SCARB2: variants seen among roughly 807,000 people sequenced by gnomAD.
SCARB2 encodes lysosome membrane protein 2.
SCARB2 carries 29 observed loss-of-function variants against 58.6 expected under a neutral mutation model. That is an observed-to-expected ratio of 0.49 (90% CI 0.37 to 0.67). The LOEUF is 0.67. Ranked by LOEUF, SCARB2 falls within the 30% of genes least tolerant of loss-of-function variation. SCARB2 has a pLI of 0.00. For missense variants in SCARB2, 488 were observed against 578.5 expected (o/e 0.84, Z 1.60); for synonymous variants, 195 against 210.1 (o/e 0.93, Z 0.62).
At chr4:76,178,679 C>A (rs547562761) in intron 4 of SCARB2, among the ~76,000 whole-genome samples, 68 of 152,344 alleles carry the variant, frequency 4.5e-4, no homozygotes, top group African/African-American at 1.6e-3. Flanking sequence ...CCTGCCTGGT[C>A]TGCTTCTCCC....
chr4:76,201,156 T>C (rs1390095745), intron 1 of SCARB2, among the ~76,000 whole-genome samples: 5 of 152,150 alleles, frequency 3.3e-5, no homozygotes, highest in Admixed American at 3.3e-4. Context: ...TCTCAGCCAG[T>C]GCCTTGGCCT....
At chr4:76,225,004 C>T (rs4306982) in intron 1 of SCARB2, among the ~76,000 whole-genome samples, 1 of 151,838 alleles carries the variant, frequency 6.6e-6, no homozygotes, top group Non-Finnish European at 1.5e-5. Context: ...TATGCATCCT[C>T]ATAGCTTAGC....
chr4:76,176,650 G>A (rs938016027), intron 4 of SCARB2, 122 bp from the exon 5 acceptor site: 18 of 694,982 alleles, frequency 2.6e-5, no homozygotes, highest in Non-Finnish European at 4.3e-5. Flanking sequence ...AAGGTATTTT[G>A]TAGGTGTGAT....
chr4:76,174,378 C>A, intron 6 of SCARB2, 65 bp from the exon 7 acceptor site: 1 of 1,479,502 alleles, frequency 6.8e-7, no homozygotes, highest in Non-Finnish European at 9.4e-7. Flanking sequence ...CCGAAATCCG[C>A]AAGTTAGCAA....
At chr4:76,188,815 A>C (rs1220090921) in intron 2 of SCARB2, among the ~76,000 whole-genome samples, 1 of 152,208 alleles carries the variant, frequency 6.6e-6, no homozygotes, top group African/African-American at 2.4e-5. Flanking sequence ...CTAAAAAGCC[A>C]TGTTTTTCTA....
chr4:76,229,742 G>C lies in SCARB2; in HGVS notation c.-358+4561C>G, dbSNP rs1290837414. ...AGCACCTGCTCTGATGGAGGTATCA[G>C]GGGAGTGAAGTAGACTCTGTGAGAG... On this transcript the variant is annotated intron_variant, in intron 1 of 11. Transcript: ENST00000638295. 5.3e-5 allele frequency among the ~76,000 whole-genome samples: 8 copies of C among 152,332 alleles called. No individual in the cohort carries two copies. The East Asian group carries it at 1.5e-3, about 29-fold the overall frequency.
In SCARB2 at chr4:76,174,282, T is replaced by C. The variant is rs1732199448; in HGVS notation, c.856A>G (p.Ser286Gly). The change falls in exon 7 of 12, where the codon AGT (serine) becomes GGT (glycine). Residue 286 changes from serine to glycine, a missense_variant. By Grantham distance (56) the Ser-to-Gly change is moderately conservative. Transcript: ENST00000264896. ...SVYITFSDYE[S>G]VQGLPAFRYK... ...CGAAAGGCAGGCAGTCCCTGTACAC[T>C]CTCATAGTCACTGAAAGTAATATAC... 1 of 1,614,150 alleles carries C rather than the reference T, an allele frequency of 6.2e-7. No homozygotes were observed. The highest frequency in any genetic ancestry group is 8.5e-7 in the Non-Finnish European group (1 of 1,180,010).
Position 76,163,063 on chromosome 4 carries a change from C to G in SCARB2, c.1398+162G>C, listed in dbSNP as rs377518661. ...CTTCTTTGACACACTTCCTTTGCTT[C>G]CCATTTGGTCCAGCAGTAAAATAAG... is the stretch of plus-strand genomic sequence containing the variant. On this transcript the variant is annotated intron_variant, in intron 11 of 11. Transcript: ENST00000264896. The G allele has an allele frequency of 4.9e-6, 4 of 815,844 alleles. No individual in the cohort carries two copies. The African/African-American group carries it at 5.1e-5, about 10-fold the overall frequency. The allele number at this position is 815,844 out of a possible 1,614,324, so 50.5% of individuals were successfully genotyped here. A position where few individuals can be genotyped will look rare whatever the true frequency, so the allele number is the denominator to read the frequency against.
chr4:76,160,547 G>T lies in SCARB2; in HGVS notation c.*1166C>A, dbSNP rs1008447038. On this transcript the variant is annotated 3_prime_UTR_variant, in exon 12 of 12. Transcript: ENST00000264896. ...CAATATTTTAAACATCCATCATTCTGTCAGCAAAATGATTGTCACAGGAAG... is the reference window on the plus strand; with the variant it reads ...CAATATTTTAAACATCCATCATTCTTTCAGCAAAATGATTGTCACAGGAAG... 6.6e-6 allele frequency: 1 copy of T among 152,172 alleles called. No homozygotes were observed. Among genetic ancestry groups the T allele is most frequent in the Admixed American group, 6.5e-5 (1 of 15,268 alleles). The allele number at this position is 152,172 out of a possible 1,614,324, so 9.4% of individuals were successfully genotyped here. A position where few individuals can be genotyped will look rare whatever the true frequency, so the allele number is the denominator to read the frequency against.
At chr4:76,200,056 T>C (rs543156967) in intron 1 of SCARB2, among the ~76,000 whole-genome samples, 9 of 152,328 alleles carry the variant, frequency 5.9e-5, no homozygotes, top group African/African-American at 2.2e-4. Context: ...GACCGCGGAC[T>C]GTCTGGCACA....
At chr4:76,206,078 C>T (rs1033072777) in intron 1 of SCARB2, among the ~76,000 whole-genome samples, 1 of 152,040 alleles carries the variant, frequency 6.6e-6, no homozygotes, top group African/African-American at 2.4e-5. Flanking sequence ...AGAACCCTCT[C>T]GAATGGGATT....
chr4:76,188,213 G>C (rs1418447336), intron 2 of SCARB2, among the ~76,000 whole-genome samples: 1 of 152,086 alleles, frequency 6.6e-6, no homozygotes, highest in Non-Finnish European at 1.5e-5. Flanking sequence ...AGAAGCCATG[G>C]GATACCACAA....
intron 1 of SCARB2, among the ~76,000 whole-genome samples, chr4:76,220,532 T>C (rs1733289234): frequency 6.6e-6 from 1 of 151,728 alleles, no homozygotes; most frequent in Non-Finnish European, 1.5e-5. Flanking sequence ...TGAGGTGAGA[T>C]AGGAGGATTC....
At chr4:76,169,533 G>T (rs1301655490) in intron 8 of SCARB2, among the ~76,000 whole-genome samples, 1 of 152,174 alleles carries the variant, frequency 6.6e-6, no homozygotes, top group African/African-American at 2.4e-5. Flanking sequence ...TGTCCCAAGG[G>T]GAGAAATAAA....
intron 1 of SCARB2, among the ~76,000 whole-genome samples, chr4:76,211,469 A>C (rs561333786): frequency 3.9e-4 from 59 of 152,386 alleles, no homozygotes; most frequent in African/African-American, 1.4e-3. Context: ...ATAAAAATAA[A>C]GTTGCTATCA....
chr4:76,201,921 A>T (rs1376224416), intron 1 of SCARB2, among the ~76,000 whole-genome samples: 2 of 152,230 alleles, frequency 1.3e-5, no homozygotes, highest in Non-Finnish European at 2.9e-5. Context: ...ATATTAACTT[A>T]GCAATTCCTT....
chr4:76,170,682 T>G (rs960994268), intron 7 of SCARB2, among the ~76,000 whole-genome samples: 1 of 151,878 alleles, frequency 6.6e-6, no homozygotes, highest in Non-Finnish European at 1.5e-5. Context: ...CACACCCGGA[T>G]AATTTTTTTG....
chr4:76,227,398 G>C (rs1733416794), intron 1 of SCARB2, among the ~76,000 whole-genome samples: 1 of 152,192 alleles, frequency 6.6e-6, no homozygotes, highest in South Asian at 2.1e-4. Flanking sequence ...TGTGGTTTGA[G>C]AGGGTACTTG....
At chr4:76,169,348 A>G (rs1240144370) in intron 8 of SCARB2, among the ~76,000 whole-genome samples, 1 of 151,150 alleles carries the variant, frequency 6.6e-6, no homozygotes, top group East Asian at 2.0e-4. Context: ...ACACGTGTGT[A>G]TGTCTCCTCT....
Sources: allele counts gnomAD v4.1 joint callset (sites outside exome capture counted in the v4.1 genomes callset), GRCh38; gene constraint gnomAD v4.1.1; transcripts MANE v1.5; gene names NCBI Gene and HGNC (gene_info 2026-07-23, HGNC 2026-07-21).